DYNC1I2: variants seen among roughly 807,000 people sequenced by gnomAD.
DYNC1I2 encodes the protein dynein cytoplasmic 1 intermediate chain 2, also known as cytoplasmic dynein 1 intermediate chain 2.
Under a neutral mutation model 88.6 loss-of-function variants are expected in DYNC1I2, and 53 were observed. The ratio of observed to expected loss-of-function variants is 0.60; its 90% CI spans 0.48 to 0.75. The LOEUF (loss-of-function observed/expected upper bound fraction) is 0.75, where lower values mean the gene tolerates loss of function less well. Ranked by LOEUF, DYNC1I2 falls within the 30% of genes least tolerant of loss-of-function variation. The probability of loss-of-function intolerance (pLI) is 0.00; values close to 1 mark genes in which losing one functional copy is unlikely to be tolerated. For synonymous variants in DYNC1I2, 198 were observed against 254.6 expected, an observed-to-expected ratio of 0.78 and a Z score of 2.12; for missense variants, 458 against 766.6, an observed-to-expected ratio of 0.60 and a Z score of 4.75.
chr2:171,689,140 A>G (rs1685194115), intron 1 of DYNC1I2, among the ~76,000 whole-genome samples: 1 of 152,168 alleles, frequency 6.6e-6, no homozygotes, highest in South Asian at 2.1e-4. Context: ...GTCAATTGTA[A>G]TGTTAAGGTC....
intron 3 of DYNC1I2, among the ~76,000 whole-genome samples, chr2:171,705,707 C>A (rs963561446): frequency 1.3e-5 from 2 of 152,010 alleles, no homozygotes; most frequent in Non-Finnish European, 2.9e-5. Context: ...TATTCTTCTA[C>A]TTTAGATGAA....
intron 7 of DYNC1I2, among the ~76,000 whole-genome samples, chr2:171,720,224 A>G (rs1687812152): frequency 6.6e-6 from 1 of 152,184 alleles, no homozygotes; most frequent in South Asian, 2.1e-4. Context: ...CTAGTGAAGT[A>G]CCATTTTTCT....
intron 15 of DYNC1I2, among the ~76,000 whole-genome samples, chr2:171,734,087 T>A (rs755382205): frequency 5.9e-5 from 9 of 152,176 alleles, no homozygotes; most frequent in Non-Finnish European, 1.3e-4. Flanking sequence ...TTGTCAGGTT[T>A]GTCAAAGATG....
chr2:171,710,994 G>A (rs373414730), intron 5 of DYNC1I2, among the ~76,000 whole-genome samples: 3 of 151,340 alleles, frequency 2.0e-5, no homozygotes, highest in African/African-American at 7.3e-5. Flanking sequence ...CATTAGGTAT[G>A]TCTCCTAATG....
chr2:171,726,441 A>G (rs376565643), intron 10 of DYNC1I2, 148 bp downstream of exon 10: 16 of 619,980 alleles, frequency 2.6e-5, no homozygotes, highest in East Asian at 1.7e-4. Flanking sequence ...TAACATACTC[A>G]TCTTATGTAC....
At position 171,693,469 on chromosome 2, in the gene DYNC1I2, G is replaced by T. The variant is rs1685538207; in HGVS notation, c.226+575G>T. Among the ~76,000 whole-genome samples, 5 of 152,140 alleles carry T rather than the reference G, an allele frequency of 3.3e-5. No individual in the cohort carries two copies. In the South Asian group the frequency reaches 1.0e-3, roughly 32 times the overall value. ...AGACCAAAAAAGCTGAAATAGTAGA[G>T]GTACACAGGACAATCTAGTTACATA... On this transcript the variant is annotated intron_variant, in intron 3 of 17. Coordinates refer to ENST00000397119, the MANE Select transcript of DYNC1I2 (RefSeq NM_001378.3).
chr2:171,739,345 A>C (rs1392019892), intron 15 of DYNC1I2, among the ~76,000 whole-genome samples: 4 of 152,120 alleles, frequency 2.6e-5, no homozygotes, highest in African/African-American at 9.7e-5. Flanking sequence ...CAATTTTAAA[A>C]CATTTTATTA....
At chr2:171,690,753 C>T (rs933044914) in intron 2 of DYNC1I2, among the ~76,000 whole-genome samples, 5 of 150,850 alleles carry the variant, frequency 3.3e-5, no homozygotes, top group African/African-American at 1.2e-4. Flanking sequence ...TCCCCTGACT[C>T]AGGTGATCCT....
chr2:171,724,415 A>G (rs941475007), intron 7 of DYNC1I2, among the ~76,000 whole-genome samples: 3 of 152,014 alleles, frequency 2.0e-5, no homozygotes, highest in Non-Finnish European at 4.4e-5. Context: ...CATTGGGGAG[A>G]GACACAGGAT....
chr2:171,739,574 A>G (rs1195467861), intron 15 of DYNC1I2, among the ~76,000 whole-genome samples: 1 of 152,076 alleles, frequency 6.6e-6, no homozygotes, highest in East Asian at 1.9e-4. Context: ...AAATGCCCCA[A>G]AATGAACATT....
chr2:171,716,630 C>T (rs1459302129), intron 7 of DYNC1I2, among the ~76,000 whole-genome samples: 5 of 151,954 alleles, frequency 3.3e-5, no homozygotes, highest in Non-Finnish European at 5.9e-5. Context: ...GGATTGTGGC[C>T]GGACGTGGTG....
At chr2:171,720,295 T>C (rs1687815467) in intron 7 of DYNC1I2, among the ~76,000 whole-genome samples, 1 of 152,256 alleles carries the variant, frequency 6.6e-6, no homozygotes, top group Non-Finnish European at 1.5e-5. Context: ...ATTGGCTTAG[T>C]AGCCAGATAT....
chr2:171,713,327 T>G (rs1040014752), intron 6 of DYNC1I2, among the ~76,000 whole-genome samples: 1 of 152,056 alleles, frequency 6.6e-6, no homozygotes, highest in Non-Finnish European at 1.5e-5. Context: ...AATGGATTAA[T>G]AGATTATTCA....
chr2:171,697,745 C>G (rs935436108), intron 3 of DYNC1I2, among the ~76,000 whole-genome samples: 5 of 151,742 alleles, frequency 3.3e-5, no homozygotes, highest in African/African-American at 1.2e-4. Flanking sequence ...GTAGTCCTAG[C>G]TACTGTGGAG....
At chr2:171,699,366 C>G (rs756765435) in intron 3 of DYNC1I2, among the ~76,000 whole-genome samples, 9 of 152,100 alleles carry the variant, frequency 5.9e-5, no homozygotes, top group Non-Finnish European at 1.3e-4. Context: ...TGTATATGTA[C>G]TAATGAATGA....
chr2:171,708,641 A>T lies in DYNC1I2; in HGVS notation c.335+1264A>T, dbSNP rs186772799. Among the ~76,000 whole-genome samples the T allele has an allele frequency of 2.7e-3, 416 of 152,002 alleles. 2 individuals are homozygous for T. Among genetic ancestry groups the T allele is most frequent in the Non-Finnish European group, 3.7e-3 (249 of 67,938 alleles). ...GTAAATTCATTTTTATAGGGTTAAA[A>T]TTTTTTTTCATATTTTGTGCTTCTA... On this transcript the variant is annotated intron_variant, in intron 5 of 17. Transcript: ENST00000397119.
intron 15 of DYNC1I2, among the ~76,000 whole-genome samples, chr2:171,742,067 GAAAAA>G (rs71013069): frequency 2.3e-5 from 3 of 130,914 alleles, no homozygotes; most frequent in African/African-American, 6.2e-5. Flanking sequence ...CGCGGTCTCA[GAAAAA>G]AAAAAAAAAA....
At chr2:171,746,678 C>A (rs777394321) in intron 17 of DYNC1I2, among the ~76,000 whole-genome samples, 1 of 152,096 alleles carries the variant, frequency 6.6e-6, no homozygotes, top group Non-Finnish European at 1.5e-5. Flanking sequence ...AGCTTCTAGC[C>A]ACATATGGCT....
At chr2:171,721,701 A>G (rs1048375584) in intron 7 of DYNC1I2, among the ~76,000 whole-genome samples, 4 of 152,174 alleles carry the variant, frequency 2.6e-5, no homozygotes, top group African/African-American at 9.7e-5. Flanking sequence ...AGCTTCCTTT[A>G]TACCAGGAAT....
Sources: allele counts gnomAD v4.1 joint callset (sites outside exome capture counted in the v4.1 genomes callset), GRCh38; gene constraint gnomAD v4.1.1; transcripts MANE v1.5; gene names NCBI Gene and HGNC (gene_info 2026-07-23, HGNC 2026-07-21).